NALF1: variants seen among roughly 807,000 people sequenced by gnomAD.
The protein encoded by NALF1 is NALCN channel auxiliary factor 1, also known as family with sequence similarity 155 member A.
Under a neutral mutation model 48.4 loss-of-function variants are expected in NALF1, and 3 were observed. That is an observed-to-expected ratio of 0.06 (90% CI 0.03 to 0.16). The LOEUF is 0.16. Ranked by LOEUF, NALF1 falls within the 10% of genes least tolerant of loss-of-function variation. NALF1 has a pLI of 1.00. For synonymous variants in NALF1, 262 were observed against 245.7 expected (o/e 1.07, Z -0.62); for missense variants, 526 against 571.5 (o/e 0.92, Z 0.81).
chr13:107,225,539 AGTACTGGCATTACAGGC>A (rs1478082363), intron 1 of NALF1, among the ~76,000 whole-genome samples: 1 of 150,900 alleles, frequency 6.6e-6, no homozygotes, highest in Non-Finnish European at 1.5e-5. Context: ...AGCTTCCCAA[AGTACTGGCATTACAGGC>A]GTGAACCACA....
At chr13:107,220,439 A>G (rs1007163054) in intron 1 of NALF1, among the ~76,000 whole-genome samples, 1 of 152,222 alleles carries the variant, frequency 6.6e-6, no homozygotes, top group Non-Finnish European at 1.5e-5. Context: ...GAATTTACAT[A>G]TTTAAAAAGT....
At chr13:107,173,592 G>A (rs934993811) in intron 2 of NALF1, among the ~76,000 whole-genome samples, 1 of 152,158 alleles carries the variant, frequency 6.6e-6, no homozygotes, top group African/African-American at 2.4e-5. Flanking sequence ...CATGCCTGAT[G>A]AGTCTCCACT....
At chr13:107,373,102 T>C (rs1474995377) in intron 1 of NALF1, among the ~76,000 whole-genome samples, 1 of 152,222 alleles carries the variant, frequency 6.6e-6, no homozygotes, top group Non-Finnish European at 1.5e-5. Flanking sequence ...TGAGCAATTA[T>C]GCATCATATA....
intron 1 of NALF1, among the ~76,000 whole-genome samples, chr13:107,656,888 G>C (rs1880590616): frequency 6.6e-6 from 1 of 152,130 alleles, no homozygotes; most frequent in Non-Finnish European, 1.5e-5. Context: ...ACTATTCTAA[G>C]TGAAGTAACT....
chr13:107,465,504 C>T (rs916279429), intron 1 of NALF1, among the ~76,000 whole-genome samples: 1 of 152,016 alleles, frequency 6.6e-6, no homozygotes, highest in African/African-American at 2.4e-5. Context: ...TTCTGATGAG[C>T]AAAGTAGTTC....
intron 1 of NALF1, among the ~76,000 whole-genome samples, chr13:107,758,692 G>A (rs1877185527): frequency 2.6e-5 from 4 of 152,078 alleles, no homozygotes; most frequent in Admixed American, 2.6e-4. Flanking sequence ...CTGCACTCCA[G>A]GCTGGTGACA....
intron 1 of NALF1, among the ~76,000 whole-genome samples, chr13:107,681,622 G>A (rs1005528659): frequency 2.0e-5 from 3 of 152,172 alleles, no homozygotes; most frequent in Middle Eastern, 3.2e-3. Flanking sequence ...CAGATGAAAT[G>A]ACCGGAGCGG....
intron 1 of NALF1, among the ~76,000 whole-genome samples, chr13:107,522,284 T>G (rs117793242): frequency 6.6e-6 from 1 of 152,260 alleles, no homozygotes; most frequent in Non-Finnish European, 1.5e-5. Context: ...ACACAAATAC[T>G]TATTTTTCCT....
chr13:107,728,719 T>TAAA (rs56280143), intron 1 of NALF1, among the ~76,000 whole-genome samples: 1 of 151,066 alleles, frequency 6.6e-6, no homozygotes, highest in African/African-American at 2.4e-5. Context: ...AATAAATAAA[T>TAAA]AAAAAAGAAA....
intron 1 of NALF1, among the ~76,000 whole-genome samples, chr13:107,666,325 C>G (rs1372869774): frequency 1.3e-5 from 2 of 152,120 alleles, no homozygotes; most frequent in African/African-American, 4.8e-5. Flanking sequence ...TTGACTGAAA[C>G]ATTGCCACCT....
chr13:107,288,512 G>C (rs1230874659), intron 1 of NALF1, among the ~76,000 whole-genome samples: 17 of 147,590 alleles, frequency 1.2e-4, no homozygotes. Context: ...GAGCCACCGC[G>C]CCCAGCCTGA....
At chr13:107,636,550 A>G (rs1288499641) in intron 1 of NALF1, among the ~76,000 whole-genome samples, 2 of 152,162 alleles carry the variant, frequency 1.3e-5, no homozygotes, top group East Asian at 3.9e-4. Flanking sequence ...AGCTTCTTCT[A>G]TATCATAGTC....
intron 1 of NALF1, among the ~76,000 whole-genome samples, chr13:107,651,344 T>A (rs765614923): frequency 1.1e-4 from 16 of 152,310 alleles, no homozygotes; most frequent in South Asian, 2.1e-4. Context: ...GCTTTTCTAA[T>A]TACACAACGT....
chr13:107,455,327 C>T (rs1884806414), intron 1 of NALF1, among the ~76,000 whole-genome samples: 1 of 152,008 alleles, frequency 6.6e-6, no homozygotes, highest in African/African-American at 2.4e-5. Context: ...ATATCAGACA[C>T]CTCAAAAATT....
chr13:107,832,699 C>G (rs1339464424), intron 1 of NALF1, among the ~76,000 whole-genome samples: 2 of 152,102 alleles, frequency 1.3e-5, no homozygotes, highest in African/African-American at 4.8e-5. Context: ...AGCCAGAAGC[C>G]TTTGTCCTCT....
chr13:107,748,967 T>G (rs907773763), intron 1 of NALF1, among the ~76,000 whole-genome samples: 5 of 151,996 alleles, frequency 3.3e-5, no homozygotes, highest in Non-Finnish European at 5.9e-5. Flanking sequence ...CTGAGGCTGG[T>G]AATGTTGGAA....
At chr13:107,460,320 T>C (rs1344295949) in intron 1 of NALF1, among the ~76,000 whole-genome samples, 1 of 152,206 alleles carries the variant, frequency 6.6e-6, no homozygotes, top group Non-Finnish European at 1.5e-5. Flanking sequence ...GTCCTGTAGA[T>C]GGGAGCTCAG....
intron 1 of NALF1, among the ~76,000 whole-genome samples, chr13:107,355,983 T>C (rs547287100): frequency 3.3e-5 from 5 of 152,318 alleles, no homozygotes; most frequent in African/African-American, 1.2e-4. Context: ...AAAAGAAATC[T>C]AGGATTGTTG....
intron 1 of NALF1, among the ~76,000 whole-genome samples, chr13:107,790,541 A>C (rs527676583): frequency 8.9e-4 from 135 of 152,328 alleles, no homozygotes; most frequent in Non-Finnish European, 1.6e-3. Context: ...AATTGAATAA[A>C]ACAGGGCTGA....
Sources: gnomAD v4.1 joint callset for allele counts (sites outside exome capture counted in the v4.1 genomes callset) on GRCh38, gnomAD v4.1.1 for gene constraint, MANE v1.5 for transcripts, NCBI Gene and HGNC (gene_info 2026-07-23, HGNC 2026-07-21) for gene names.